The following PDGFRL variants were observed in gnomAD, a reference collection of about 807,000 sequenced individuals.
PDGFRL encodes platelet derived growth factor receptor like, also known as platelet-derived growth factor receptor-like protein.
A neutral mutation model predicts 37.2 loss-of-function variants in PDGFRL; 46 were observed. The observed-to-expected ratio is 1.24, with a 90% CI of 0.98 to 1.58. The LOEUF is 1.58. PDGFRL is among the 40% of genes most tolerant of loss of function. The pLI, the probability that PDGFRL is intolerant of heterozygous loss-of-function variation, is 0.00. For synonymous variants in PDGFRL, 251 were observed against 184.3 expected, an observed-to-expected ratio of 1.36 and a Z score of -2.93; for missense variants, 692 against 467.6, an observed-to-expected ratio of 1.48 and a Z score of -4.43.
chr8:17,608,482 C>T (rs987397407), intron 2 of PDGFRL, among the ~76,000 whole-genome samples: 8 of 152,172 alleles, frequency 5.3e-5, no homozygotes, highest in Non-Finnish European at 1.0e-4. Flanking sequence ...TATATCACAT[C>T]AGCTGGTAGG....
chr8:17,613,653 GGA>G (rs1804467437), intron 2 of PDGFRL, among the ~76,000 whole-genome samples: 1 of 152,296 alleles, frequency 6.6e-6, no homozygotes, highest in Non-Finnish European at 1.5e-5. Context: ...CGAGGCAGGT[GGA>G]TTGCTCAAGC....
At chr8:17,596,872 A>G (rs1585307048) in intron 2 of PDGFRL, among the ~76,000 whole-genome samples, 1 of 152,374 alleles carries the variant, frequency 6.6e-6, no homozygotes, top group African/African-American at 2.4e-5. Flanking sequence ...GACTCTTGAC[A>G]TCGTTCCCAG....
intron 5 of PDGFRL, among the ~76,000 whole-genome samples, chr8:17,640,813 G>A (rs1272905024): frequency 1.3e-5 from 2 of 152,120 alleles, no homozygotes; most frequent in Non-Finnish European, 2.9e-5. Flanking sequence ...AGGATCAGGT[G>A]GTGGGCAGGA....
intron 2 of PDGFRL, among the ~76,000 whole-genome samples, chr8:17,594,386 A>C: frequency 6.6e-6 from 1 of 151,142 alleles, no homozygotes; most frequent in East Asian, 2.0e-4. Flanking sequence ...AATTACAGGC[A>C]CACACCACCA....
chr8:17,620,132 G>C (rs552126305), intron 2 of PDGFRL, among the ~76,000 whole-genome samples: 5 of 152,142 alleles, frequency 3.3e-5, no homozygotes, highest in Admixed American at 1.3e-4. Context: ...CAGGCTCATT[G>C]TTTAATTTTT....
chr8:17,590,882 T>G (rs10094573), intron 2 of PDGFRL, among the ~76,000 whole-genome samples: 1 of 148,288 alleles, frequency 6.7e-6, no homozygotes, highest in Non-Finnish European at 1.5e-5. Flanking sequence ...ATTATTATTA[T>G]TATTAATTTT....
At chr8:17,590,545 C>G (rs112276417) in intron 2 of PDGFRL, among the ~76,000 whole-genome samples, 3,314 of 151,966 alleles carry the variant, frequency 0.022, 119 homozygotes, top group South Asian at 0.11. Context: ...AACCCCGTCT[C>G]TACAAGAAAT....
intron 3 of PDGFRL, among the ~76,000 whole-genome samples, chr8:17,628,162 T>C (rs1430366775): frequency 2.9e-5 from 4 of 137,092 alleles, no homozygotes; most frequent in African/African-American, 1.1e-4. Flanking sequence ...CCCGGCTCAT[T>C]TTTTGTTTTT....
intron 2 of PDGFRL, among the ~76,000 whole-genome samples, chr8:17,605,297 C>G (rs1804250725): frequency 6.6e-6 from 1 of 152,180 alleles, no homozygotes; most frequent in Non-Finnish European, 1.5e-5. Context: ...CCCCATGCCC[C>G]ATACCCATTT....
At chr8:17,629,311 C>T (rs997448491) in intron 4 of PDGFRL, among the ~76,000 whole-genome samples, 2 of 151,958 alleles carry the variant, frequency 1.3e-5, no homozygotes, top group Non-Finnish European at 2.9e-5. Flanking sequence ...TGACCCTGAC[C>T]GAAAACCCCT....
chr8:17,600,290 T>G (rs1464574565), intron 2 of PDGFRL, among the ~76,000 whole-genome samples: 1 of 152,162 alleles, frequency 6.6e-6, no homozygotes, highest in Non-Finnish European at 1.5e-5. Context: ...TCTTGGCCTT[T>G]GCAGTCCTGT....
At position 17,608,375 on chromosome 8, in the gene PDGFRL, G is replaced by T. The variant is rs565070793; in HGVS notation, c.354-12676G>T. Among the ~76,000 whole-genome samples the T allele has an allele frequency of 3.3e-5, 5 of 152,302 alleles. No homozygotes were observed. The East Asian group carries it at 9.7e-4, about 29-fold the overall frequency. On this transcript the variant is annotated intron_variant, in intron 2 of 5. Coordinates refer to ENST00000251630, the MANE Select transcript of PDGFRL (RefSeq NM_001372073.1). ...CATAGCTGGGAAAAGGTAGGGGGTT[G>T]GGGGCCCTGTGAGTCAACCAACATT...
intron 1 of PDGFRL, among the ~76,000 whole-genome samples, chr8:17,587,827 G>C (rs1364493412): frequency 6.6e-6 from 1 of 151,894 alleles, no homozygotes; most frequent in Non-Finnish European, 1.5e-5. Context: ...ATGGGGTTTC[G>C]CCATGTTGCC....
chr8:17,624,626 G>A (rs1804696980), intron 3 of PDGFRL, among the ~76,000 whole-genome samples: 1 of 152,124 alleles, frequency 6.6e-6, no homozygotes, highest in East Asian at 1.9e-4. Flanking sequence ...TACTTTCCTG[G>A]CTGGGTGCAG....
chr8:17,582,698 GCCTGGCCA>G (rs777774233), intron 1 of PDGFRL, among the ~76,000 whole-genome samples: 6 of 152,088 alleles, frequency 3.9e-5, no homozygotes, highest in Admixed American at 6.5e-5. Flanking sequence ...AAAATCTGAA[GCCTGGCCA>G]TGTGGCAGAG....
chr8:17,617,003 T>C (rs1427668736), intron 2 of PDGFRL, among the ~76,000 whole-genome samples: 3 of 152,164 alleles, frequency 2.0e-5, no homozygotes, highest in African/African-American at 7.2e-5. Context: ...TGCCATCTCA[T>C]GACTTAGGCC....
At chr8:17,613,785 G>A (rs1337338534) in intron 2 of PDGFRL, among the ~76,000 whole-genome samples, 1 of 152,162 alleles carries the variant, frequency 6.6e-6, no homozygotes, top group African/African-American at 2.4e-5. Context: ...AGGCTGAGGT[G>A]GGAGGATGGT....
At position 17,621,215 on chromosome 8, in the gene PDGFRL, G is replaced by A; in HGVS notation, c.505+13G>A. ...ATCTTTTTTACAGGTAAAATACTTG[G>A]TGCATTAATGGAACTCTTCAAACTT... On this transcript the variant is annotated intron_variant, in intron 3 of 5. Transcript: ENST00000251630. 6.3e-7 allele frequency: 1 copy of A among 1,586,644 alleles called. No homozygotes were observed. Among genetic ancestry groups the A allele is most frequent in the Non-Finnish European group, 8.6e-7 (1 of 1,159,476 alleles).
intron 4 of PDGFRL, among the ~76,000 whole-genome samples, chr8:17,633,222 A>G (rs1804898219): frequency 6.6e-6 from 1 of 152,158 alleles, no homozygotes; most frequent in Non-Finnish European, 1.5e-5. Context: ...TGAGGCCATG[A>G]GTTGCAGATC....
Sources: allele counts gnomAD v4.1 joint callset (sites outside exome capture counted in the v4.1 genomes callset), GRCh38; gene constraint gnomAD v4.1.1; transcripts MANE v1.5; gene names NCBI Gene and HGNC (gene_info 2026-07-23, HGNC 2026-07-21).